Variants in LOC122513141 observed in about 807,000 individuals in gnomAD.
the LOC122513141 span, chr9:137,217,908 G>T: frequency 2.5e-6 from 1 of 398,362 alleles, no homozygotes; most frequent in Non-Finnish European, 4.4e-6. Context: ...GACCCTCTGT[G>T]CCAAGCACCA....
chr9:137,217,542 T>A, the LOC122513141 span: 1 of 159,288 alleles, frequency 6.3e-6, no homozygotes, highest in Non-Finnish European at 1.4e-5. Flanking sequence ...GGCGGGTCGC[T>A]GGCACAGGAC....
the LOC122513141 span, chr9:137,218,559 T>G: frequency 2.5e-6 from 1 of 399,358 alleles, no homozygotes; most frequent in Admixed American, 4.4e-5. Context: ...CCGCTCCTGC[T>G]GCTGGGACTG....
chr9:137,218,460 C>T, the LOC122513141 span: 1 of 398,568 alleles, frequency 2.5e-6, no homozygotes, highest in Non-Finnish European at 4.4e-6. Context: ...CGGCTCTGGA[C>T]CCTGCGGGAG....
chr9:137,217,724 C>T, the LOC122513141 span: 2 of 362,340 alleles, frequency 5.5e-6, no homozygotes, highest in African/African-American at 2.1e-5. Context: ...CCAGACCCTG[C>T]CTTCCCTGAG....
At chr9:137,218,056 G>T in the LOC122513141 span, 20 of 399,450 alleles carry the variant, frequency 5.0e-5, no homozygotes, top group African/African-American at 2.9e-4. Flanking sequence ...AGGCAGCAGG[G>T]CAGGGGGAAG....
At chr9:137,218,444 G>A in the LOC122513141 span, 1 of 398,598 alleles carries the variant, frequency 2.5e-6, no homozygotes, top group Non-Finnish European at 4.4e-6. Context: ...ACCCTGCCTG[G>A]GTGCCCGGCT....
chr9:137,217,585 C>G, the LOC122513141 span: 5 of 172,936 alleles, frequency 2.9e-5, no homozygotes, highest in East Asian at 1.5e-4. Context: ...CCAGCCAGAT[C>G]TGGCTGGGGA....
the LOC122513141 span, chr9:137,218,445 G>A: frequency 4.3e-5 from 17 of 398,336 alleles, no homozygotes; most frequent in Non-Finnish European, 7.5e-5. Flanking sequence ...CCCTGCCTGG[G>A]TGCCCGGCTC....
the LOC122513141 span, chr9:137,217,720 C>A: frequency 2.8e-6 from 1 of 358,180 alleles, no homozygotes. Flanking sequence ...GAGCCCAGAC[C>A]CTGCCTTCCC....
At chr9:137,218,600 T>G in the LOC122513141 span, 2 of 398,736 alleles carry the variant, frequency 5.0e-6, no homozygotes, top group East Asian at 7.1e-5. Flanking sequence ...CTCTGGCCGC[T>G]GAGCAGAGCC....
At chr9:137,217,639 T>G in the LOC122513141 span, 1 of 213,444 alleles carries the variant, frequency 4.7e-6, no homozygotes, top group Non-Finnish European at 9.2e-6. Context: ...AGGCAGGCCT[T>G]GCTGGGGCCC....
the LOC122513141 span, chr9:137,218,311 A>G: frequency 2.5e-6 from 1 of 397,790 alleles, no homozygotes; most frequent in Non-Finnish European, 4.4e-6. Flanking sequence ...AGCCCCGCCG[A>G]GAGGCCCCTG....
At chr9:137,218,924 C>CG in the LOC122513141 span, 1 of 308,068 alleles carries the variant, frequency 3.2e-6, no homozygotes, top group Non-Finnish European at 5.9e-6. Flanking sequence ...CTGCGGCAGA[C>CG]GGGCACCGTA....
the LOC122513141 span, chr9:137,217,957 T>G: frequency 7.5e-6 from 3 of 398,594 alleles, no homozygotes; most frequent in South Asian, 2.5e-4. Flanking sequence ...CCCAAGGTGC[T>G]GAGACTACAG....
At chr9:137,217,603 G>T in the LOC122513141 span, 2 of 181,870 alleles carry the variant, frequency 1.1e-5, no homozygotes, top group African/African-American at 2.3e-5. Flanking sequence ...GGACAGCACC[G>T]CGTGGGCCCA....
the LOC122513141 span, chr9:137,217,664 T>A: frequency 3.9e-6 from 1 of 258,318 alleles, no homozygotes; most frequent in Non-Finnish European, 7.3e-6. Flanking sequence ...CAAGTCCACT[T>A]CCAGTGAGGA....
chr9:137,219,014 C>T, the LOC122513141 span: 592 of 177,600 alleles, frequency 3.3e-3, 6 homozygotes, highest in African/African-American at 0.013. Flanking sequence ...AACAGAGATA[C>T]AGCAGTGAGT....
the LOC122513141 span, chr9:137,218,768 G>A: frequency 2.5e-6 from 1 of 397,066 alleles, no homozygotes; most frequent in Admixed American, 4.4e-5. Flanking sequence ...CCCACAACCA[G>A]GGCTACCCAG....
At chr9:137,218,233 G>A in the LOC122513141 span, 19 of 398,374 alleles carry the variant, frequency 4.8e-5, no homozygotes, top group South Asian at 6.3e-4. Context: ...GCCAGAAGAC[G>A]CCCGTGCTGG....
Sources: allele counts gnomAD v4.1 joint callset, GRCh38; gene constraint gnomAD v4.1.1; transcripts MANE v1.5.